The following TEK variants were observed in gnomAD, a reference collection of about 807,000 sequenced individuals.
TEK encodes the protein angiopoietin-1 receptor.
Under a neutral mutation model 131.8 loss-of-function variants are expected in TEK, and 43 were observed. The observed-to-expected ratio is 0.33, with a 90% CI of 0.26 to 0.42. The LOEUF is 0.42. Among genes scored for constraint, TEK ranks in the 10% least tolerant of loss-of-function variants. The pLI, the probability that TEK is intolerant of heterozygous loss-of-function variation, is 1.00. For missense variants in TEK, 1,162 were observed against 1,384.4 expected (o/e 0.84, Z 2.55); for synonymous variants, 580 against 491.6 (o/e 1.18, Z -2.38).
intron 2 of TEK, among the ~76,000 whole-genome samples, chr9:27,167,447 C>T (rs540752117): frequency 6.6e-5 from 10 of 152,148 alleles, no homozygotes; most frequent in African/African-American, 1.9e-4. Context: ...AGGCTCGTCT[C>T]GAACTCCTGA....
At chr9:27,153,924 CT>C (rs1027691269) in intron 1 of TEK, among the ~76,000 whole-genome samples, 6 of 151,768 alleles carry the variant, frequency 4.0e-5, no homozygotes, top group Admixed American at 2.0e-4. Context: ...TGTTTGGCTA[CT>C]TTTTTTTTCA....
Position 27,197,371 on chromosome 9 carries a change from T to G in TEK, c.1681T>G (p.Leu561Val). Residue 561 changes from leucine to valine, a missense_variant, in exon 12 of 23, where the codon TTG becomes GTG. By Grantham distance (32) the Leu-to-Val change is conservative. Around this residue, in one of 6 missense-constraint regions of TEK, gnomAD observed 477 missense variants for 471.0 expected, o/e 1.01. Coordinates refer to ENST00000380036, the MANE Select transcript of TEK (RefSeq NM_000459.5). ...GCCTAAAAGTCAGACCACTCTAAATTTGACCTGGCAACCAATATTTCCAAG... is the reference window on the plus strand; with the variant it reads ...GCCTAAAAGTCAGACCACTCTAAATGTGACCTGGCAACCAATATTTCCAAG... ...LLPKSQTTLN[L>V]TWQPIFPSSE... 1 of 1,614,124 alleles carries G rather than the reference T, an allele frequency of 6.2e-7. No homozygotes were observed. The highest frequency in any genetic ancestry group is 1.1e-5 in the South Asian group (1 of 91,084).
intron 1 of TEK, among the ~76,000 whole-genome samples, chr9:27,138,175 A>G (rs1822569988): frequency 1.3e-5 from 2 of 152,232 alleles, no homozygotes; most frequent in South Asian, 4.1e-4. Context: ...AGTGAGCAGC[A>G]GCAAGATTTA....
At chr9:27,209,555 C>A (rs1249265911) in intron 16 of TEK, among the ~76,000 whole-genome samples, 1 of 152,144 alleles carries the variant, frequency 6.6e-6, no homozygotes, top group Admixed American at 6.5e-5. Context: ...AGGGGAGCCC[C>A]CACCATCAGC....
At position 27,156,103 on chromosome 9, in the gene TEK, C is replaced by T. The variant is rs116963745; in HGVS notation, c.53-1728C>T. ...CAGGCATGAGCCACTGTGCCTGGCC[C>T]GCACTTTCATTTTTAACCTTATTAT... On this transcript the variant is annotated intron_variant, in intron 1 of 22. Coordinates refer to ENST00000380036, the MANE Select transcript of TEK (RefSeq NM_000459.5). Among the ~76,000 whole-genome samples the T allele has an allele frequency of 3.2e-3, 490 of 152,106 alleles. 14 individuals carry two copies. In the East Asian group the frequency reaches 0.081, roughly 25 times the overall value.
intron 1 of TEK, among the ~76,000 whole-genome samples, chr9:27,117,445 T>G (rs1266001950): frequency 6.6e-6 from 1 of 152,192 alleles, no homozygotes; most frequent in African/African-American, 2.4e-5. Context: ...ACCTGCAGAA[T>G]GAGTTTTAGA....
At chr9:27,205,415 C>T (rs1424669739) in intron 14 of TEK, among the ~76,000 whole-genome samples, 2 of 152,152 alleles carry the variant, frequency 1.3e-5, no homozygotes, top group African/African-American at 4.8e-5. Context: ...TAAGGAAGGA[C>T]AGAGGGTAAC....
At chr9:27,119,986 C>T (rs1405764586) in intron 1 of TEK, among the ~76,000 whole-genome samples, 1 of 152,186 alleles carries the variant, frequency 6.6e-6, no homozygotes, top group Non-Finnish European at 1.5e-5. Flanking sequence ...ATTCCACCTT[C>T]CTTTAGTCTC....
chr9:27,173,238 G>A lies in TEK; in HGVS notation c.777G>A (p.Thr259=), dbSNP rs759795922. The A allele has an allele frequency of 2.1e-5, 34 of 1,613,878 alleles. No homozygotes were observed. Among genetic ancestry groups the A allele is most frequent in the African/African-American group, 5.3e-5 (4 of 74,894 alleles). The change falls in exon 6 of 23, where the codon ACG becomes ACA. Residue 259 remains threonine, a synonymous_variant. Transcript: ENST00000380036. ...RTCEKACELH[T]FGRTCKERCS... ...CTCCCAAAGCTTGTGAACTGCACAC[G>A]TTTGGCAGAACTTGTAAAGAAAGGT...
rs892157625 is a variant in TEK at position 27,118,397 on chromosome 9, G to C, written c.52+8755G>C. Among the ~76,000 whole-genome samples the C allele has an allele frequency of 8.5e-5, 13 of 152,212 alleles. No individual in the cohort carries two copies. The East Asian group carries it at 1.5e-3, about 18-fold the overall frequency. On this transcript the variant is annotated intron_variant, in intron 1 of 22. Coordinates refer to ENST00000380036, the MANE Select transcript of TEK (RefSeq NM_000459.5). ...TGCTTGTAATCCCAGCACTTTGGGAGGCCAAAGCAAGCAGATTGCTTGAGC... is the reference window on the plus strand; with the variant it reads ...TGCTTGTAATCCCAGCACTTTGGGACGCCAAAGCAAGCAGATTGCTTGAGC...
intron 4 of TEK, among the ~76,000 whole-genome samples, chr9:27,170,085 G>A (rs538557873): frequency 2.6e-4 from 39 of 152,194 alleles, no homozygotes; most frequent in Admixed American, 4.6e-4. Flanking sequence ...TTCACATGGC[G>A]GCAGGAGAGA....
chr9:27,225,926 T>A (rs1587058686), intron 21 of TEK, among the ~76,000 whole-genome samples: 1 of 152,244 alleles, frequency 6.6e-6, no homozygotes, highest in Middle Eastern at 3.4e-3. Flanking sequence ...GGGCAAAGGA[T>A]ATGGACAGAC....
intron 9 of TEK, among the ~76,000 whole-genome samples, chr9:27,189,107 A>T (rs567621854): frequency 6.6e-6 from 1 of 152,284 alleles, no homozygotes; most frequent in South Asian, 2.1e-4. Context: ...ATTGTATAAT[A>T]CACACTCTTG....
At chr9:27,158,262 C>T (rs1310918755) in intron 2 of TEK, 120 bp downstream of exon 2, 1 of 1,184,516 alleles carries the variant, frequency 8.4e-7, no homozygotes. Flanking sequence ...GCTTGACGAT[C>T]TTGCCTGTCT....
At position 27,212,649 on chromosome 9, in the gene TEK, T is replaced by G; in HGVS notation, c.2687-58T>G. The G allele has an allele frequency of 1.9e-6, 3 of 1,588,710 alleles. No individual in the cohort carries two copies. The South Asian group carries it at 3.3e-5, about 18-fold the overall frequency. On this transcript the variant is annotated intron_variant, in intron 16 of 22. Coordinates refer to ENST00000380036, the MANE Select transcript of TEK (RefSeq NM_000459.5). Reference sequence around the variant, plus strand: ...TAGGCAATTTCCACAGCACATCTCTTAAATGTCATAGCTGTTCAGGGCCAC... The same window carrying G: ...TAGGCAATTTCCACAGCACATCTCTGAAATGTCATAGCTGTTCAGGGCCAC...
chr9:27,212,793 G>C lies in TEK; in HGVS notation c.2773G>C (p.Ala925Pro). ...RKSRVLETDP[A>P]FAIANSTAST... Reference sequence around the variant, plus strand: ...GAGCCGTGTGCTGGAGACGGACCCAGCATTTGCCATTGCCAATAGCACCGC... The same window carrying C: ...GAGCCGTGTGCTGGAGACGGACCCACCATTTGCCATTGCCAATAGCACCGC... The change falls in exon 17 of 23, where the codon GCA (alanine) becomes CCA (proline). Residue 925 changes from alanine (A) to proline (P), a missense_variant. Coordinates refer to ENST00000380036, the MANE Select transcript of TEK (RefSeq NM_000459.5). 1 of 1,614,052 alleles carries C rather than the reference G, an allele frequency of 6.2e-7. No homozygotes were observed.
At chr9:27,224,814 A>G (rs1345338036) in intron 21 of TEK, among the ~76,000 whole-genome samples, 2 of 152,198 alleles carry the variant, frequency 1.3e-5, no homozygotes, top group Non-Finnish European at 2.9e-5. Flanking sequence ...AGGAAGTCAA[A>G]CTGTCTCTGT....
Position 27,192,472 on chromosome 9 carries a change from A to T in TEK, c.1490-17A>T. The stretch of plus-strand genomic sequence containing the variant: ...GAGAATGCCAACTTAAGTTTCCTGG[A>T]CGTTTTCTCTTCTCAGTGACAAATG... On this transcript the variant is annotated splice_polypyrimidine_tract_variant and intron_variant, in intron 10 of 22. Coordinates refer to ENST00000380036, the MANE Select transcript of TEK (RefSeq NM_000459.5). 6.2e-7 allele frequency: 1 copy of T among 1,613,780 alleles called. No individual in the cohort carries two copies. Among genetic ancestry groups the T allele is most frequent in the African/African-American group, 1.3e-5 (1 of 75,016 alleles).
At chr9:27,201,436 G>A (rs1441134200) in intron 12 of TEK, among the ~76,000 whole-genome samples, 1 of 152,000 alleles carries the variant, frequency 6.6e-6, no homozygotes, top group East Asian at 1.9e-4. Context: ...GAAAATGTTG[G>A]TATTTCTATT....
Sources: allele counts gnomAD v4.1 joint callset (sites outside exome capture counted in the v4.1 genomes callset), GRCh38; gene constraint gnomAD v4.1.1; regional missense constraint gnomAD v4.1.1; transcripts MANE v1.5; gene names NCBI Gene and HGNC (gene_info 2026-07-23, HGNC 2026-07-21).